The following PACRG variants were observed in gnomAD, a reference collection of about 807,000 sequenced individuals.
PACRG encodes parkin coregulated gene protein.
PACRG carries 29 observed loss-of-function variants against 29.7 expected under a neutral mutation model. The observed-to-expected ratio is 0.98, with a 90% CI of 0.73 to 1.33. The LOEUF is 1.33. PACRG is among the 40% of genes most tolerant of loss of function. The pLI is 0.00. For missense variants in PACRG, 279 were observed against 316.2 expected, an observed-to-expected ratio of 0.88 and a Z score of 0.89; for synonymous variants, 116 against 118.7, an observed-to-expected ratio of 0.98 and a Z score of 0.15.
Position 162,769,345 on chromosome 6 carries a change from T to G in PACRG, c.156+40954T>G, listed in dbSNP as rs559210514. Among the ~76,000 whole-genome samples the G allele has an allele frequency of 3.8e-4, 58 of 151,720 alleles. 1 individual carries two copies. Among genetic ancestry groups the G allele is most frequent in the Non-Finnish European group, 7.5e-4 (51 of 67,868 alleles). The stretch of plus-strand genomic sequence containing the variant: ...GTTTTTTACTGCTCTAAAACCTAAC[T>G]TATCCTAATACCGGGGACAAACGTT... On this transcript the variant is annotated intron_variant, in intron 1 of 4. Transcript: ENST00000366888.
intron 1 of PACRG, among the ~76,000 whole-genome samples, chr6:162,770,990 A>G (rs1783173453): frequency 6.6e-6 from 1 of 152,190 alleles, no homozygotes; most frequent in Admixed American, 6.5e-5. Flanking sequence ...CCTACCATAA[A>G]GGAGTTTATA....
At chr6:163,028,774 C>A (rs1807382383) in intron 2 of PACRG, among the ~76,000 whole-genome samples, 2 of 152,040 alleles carry the variant, frequency 1.3e-5, no homozygotes, top group African/African-American at 4.8e-5. Context: ...TTTTCTTGTG[C>A]CTAGTTTTGT....
At chr6:162,798,182 T>C (rs1392914101) in intron 1 of PACRG, among the ~76,000 whole-genome samples, 1 of 152,206 alleles carries the variant, frequency 6.6e-6, no homozygotes, top group African/African-American at 2.4e-5. Context: ...GATCCAACCT[T>C]TTCCCTCTCT....
At chr6:163,034,077 G>C (rs1274715625) in intron 2 of PACRG, among the ~76,000 whole-genome samples, 1 of 152,172 alleles carries the variant, frequency 6.6e-6, no homozygotes, top group Non-Finnish European at 1.5e-5. Context: ...TGCACAGAGA[G>C]AGAAACAGCG....
intron 4 of PACRG, among the ~76,000 whole-genome samples, chr6:163,236,947 T>A (rs553612986): frequency 6.6e-6 from 1 of 152,124 alleles, no homozygotes; most frequent in East Asian, 1.9e-4. Context: ...TACACACTTT[T>A]ACAACAACCA....
At chr6:162,832,939 AT>A (rs1788912041) in intron 2 of PACRG, among the ~76,000 whole-genome samples, 1 of 151,938 alleles carries the variant, frequency 6.6e-6, no homozygotes, top group Non-Finnish European at 1.5e-5. Context: ...TTTTCAAGCA[AT>A]TTCTCTTTGT....
At chr6:162,836,409 G>A (rs573261376) in intron 2 of PACRG, among the ~76,000 whole-genome samples, 3 of 152,026 alleles carry the variant, frequency 2.0e-5, no homozygotes, top group Non-Finnish European at 2.9e-5. Flanking sequence ...TGCTTGGCGC[G>A]TTGGCCCAGA....
At chr6:163,304,015 C>CAAAAAAAAAAAAAAAAA (rs59861286) in intron 4 of PACRG, among the ~76,000 whole-genome samples, 3 of 76,250 alleles carry the variant, frequency 3.9e-5, no homozygotes, top group African/African-American at 5.4e-5. Flanking sequence ...GACTCCATTT[C>CAAAAAAAAAAAAAAAAA]AAAAAAAAAA....
chr6:163,176,183 C>T (rs180933641), intron 4 of PACRG, among the ~76,000 whole-genome samples: 40 of 152,264 alleles, frequency 2.6e-4, no homozygotes, highest in Admixed American at 5.2e-4. Context: ...TTCCTTTGAA[C>T]GGCCTCTTTA....
chr6:162,751,937 C>A (rs578066211), intron 1 of PACRG, among the ~76,000 whole-genome samples: 1 of 152,256 alleles, frequency 6.6e-6, no homozygotes, highest in Admixed American at 6.5e-5. Context: ...GCCTTGGTCA[C>A]ATTTCTAATT....
intron 4 of PACRG, among the ~76,000 whole-genome samples, chr6:163,229,694 G>A (rs1585352062): frequency 6.6e-6 from 1 of 152,194 alleles, no homozygotes; most frequent in Non-Finnish European, 1.5e-5. Context: ...CCCTTGAATA[G>A]TTCTAGGAGA....
chr6:163,153,138 A>T (rs1778168227), intron 4 of PACRG, among the ~76,000 whole-genome samples: 1 of 152,212 alleles, frequency 6.6e-6, no homozygotes, highest in South Asian at 2.1e-4. Flanking sequence ...TATCCTGAGT[A>T]ATGGTTGGTT....
At chr6:163,188,333 C>A (rs754060216) in intron 4 of PACRG, among the ~76,000 whole-genome samples, 2 of 152,152 alleles carry the variant, frequency 1.3e-5, no homozygotes, top group Non-Finnish European at 2.9e-5. Flanking sequence ...ACAGTTGTTG[C>A]TAAAAACCTG....
chr6:162,745,439 G>A (rs1780915814), intron 1 of PACRG, among the ~76,000 whole-genome samples: 1 of 151,844 alleles, frequency 6.6e-6, no homozygotes, highest in African/African-American at 2.4e-5. Flanking sequence ...ATGCATACGG[G>A]GCTTAAAATC....
At chr6:162,958,850 CATATATATATATATATATATAT>C (rs369783608) in intron 2 of PACRG, among the ~76,000 whole-genome samples, 12 of 48,614 alleles carry the variant, frequency 2.5e-4, no homozygotes, top group East Asian at 1.2e-3. Flanking sequence ...ATATATAGAG[CATATATATATATATATATATAT>C]ATATATATAT....
chr6:163,152,739 G>A (rs375948341), intron 4 of PACRG, among the ~76,000 whole-genome samples: 49 of 152,340 alleles, frequency 3.2e-4, no homozygotes, highest in Non-Finnish European at 5.1e-4. Flanking sequence ...ATTGGAAGGC[G>A]TTGAAAGCCA....
At chr6:162,768,059 C>G (rs1201273900) in intron 1 of PACRG, among the ~76,000 whole-genome samples, 1 of 152,020 alleles carries the variant, frequency 6.6e-6, no homozygotes, top group East Asian at 1.9e-4. Flanking sequence ...AGATGTTTAG[C>G]ATTGTATTTG....
At chr6:163,245,793 G>A (rs1022128882) in intron 4 of PACRG, among the ~76,000 whole-genome samples, 1 of 152,038 alleles carries the variant, frequency 6.6e-6, no homozygotes, top group South Asian at 2.1e-4. Context: ...CTCTTGACTC[G>A]GTCTCCGGGC....
intron 2 of PACRG, among the ~76,000 whole-genome samples, chr6:162,962,848 A>G (rs1296872504): frequency 6.6e-6 from 1 of 152,210 alleles, no homozygotes; most frequent in Non-Finnish European, 1.5e-5. Flanking sequence ...AACAAGGTAG[A>G]TAGCAGCTTC....
Sources: gnomAD v4.1 joint callset for allele counts (sites outside exome capture counted in the v4.1 genomes callset) on GRCh38, gnomAD v4.1.1 for gene constraint, MANE v1.5 for transcripts, NCBI Gene and HGNC (gene_info 2026-07-23, HGNC 2026-07-21) for gene names.